The following BACE1 variants were observed in gnomAD, a reference collection of about 807,000 sequenced individuals.
BACE1 encodes the protein beta-secretase 1, also known as APP beta-secretase.
Under a neutral mutation model 54.0 loss-of-function variants are expected in BACE1, and 21 were observed. The observed-to-expected ratio is 0.39, with a 90% CI of 0.28 to 0.56. The LOEUF (loss-of-function observed/expected upper bound fraction) is 0.56, where lower values mean the gene tolerates loss of function less well. BACE1 is among the 20% of genes least tolerant of loss of function. BACE1 has a pLI of 0.63. For missense variants in BACE1, 511 were observed against 661.2 expected (o/e 0.77, Z 2.49); for synonymous variants, 232 against 260.9 (o/e 0.89, Z 1.07).
At chr11:117,290,288 A>G (rs1372696076) in intron 8 of BACE1, among the ~76,000 whole-genome samples, 200 bp downstream of exon 8, 2 of 152,150 alleles carry the variant, frequency 1.3e-5, no homozygotes, top group Admixed American at 6.5e-5. Context: ...GAGGTTACCA[A>G]TCCAGGCAGT....
intron 1 of BACE1, chr11:117,299,601 C>G (rs536002071): frequency 8.2e-6 from 3 of 364,048 alleles, no homozygotes; most frequent in South Asian, 2.0e-5. Flanking sequence ...CCCAGCCCCC[C>G]ACTCCTGGCC....
chr11:117,310,755 A>G (rs1022235850), intron 1 of BACE1, among the ~76,000 whole-genome samples: 1 of 152,196 alleles, frequency 6.6e-6, no homozygotes, highest in Admixed American at 6.5e-5. Flanking sequence ...ACAAACACAA[A>G]AACAGTTGTA....
rs149465460 is a variant in BACE1 at position 117,286,810 on chromosome 11, G to A, written c.*2756C>T. Reference sequence around the variant, plus strand: ...TGGCCTGAGTACTCAGCTCTTCAGAGGTCAGGTGACCCACTTTCTTTGGTT... The same window carrying A: ...TGGCCTGAGTACTCAGCTCTTCAGAAGTCAGGTGACCCACTTTCTTTGGTT... On this transcript the variant is annotated 3_prime_UTR_variant, in exon 9 of 9. Coordinates refer to ENST00000313005, the MANE Select transcript of BACE1 (RefSeq NM_012104.6). 1.3e-5 allele frequency: 2 copies of A among 152,696 alleles called. No individual in the cohort carries two copies. Among genetic ancestry groups the A allele is most frequent in the East Asian group, 1.9e-4 (1 of 5,178 alleles). 9.5% of individuals were successfully genotyped at this position (152,696 alleles called of 1,614,324 possible).
At position 117,315,905 on chromosome 11, in the gene BACE1, G is replaced by C; in HGVS notation, c.-110C>G. ...GTGGCTTCTCAGGAGAGGGAGCTTG[G>C]GGGCATCAGGACGCCAGGGCCTGCA... On this transcript the variant is annotated 5_prime_UTR_variant, in exon 1 of 9. Coordinates refer to ENST00000313005, the MANE Select transcript of BACE1 (RefSeq NM_012104.6). This position sits in a 1 kb window ranked among gnomAD's most constrained non-coding sequence, Gnocchi z 5.5. The C allele has an allele frequency of 7.9e-7, 1 of 1,270,690 alleles. No homozygotes were observed. Among genetic ancestry groups the C allele is most frequent in the South Asian group, 1.9e-5 (1 of 53,170 alleles). 78.7% of individuals were successfully genotyped at this position (1,270,690 alleles called of 1,614,324 possible). A position where few individuals can be genotyped will look rare whatever the true frequency, so the allele number is the denominator to read the frequency against.
chr11:117,307,748 C>G (rs555873958), intron 1 of BACE1, among the ~76,000 whole-genome samples: 1 of 152,128 alleles, frequency 6.6e-6, no homozygotes, highest in African/African-American at 2.4e-5. Context: ...CAGCTAAACT[C>G]TTCTTTACTG....
intron 1 of BACE1, among the ~76,000 whole-genome samples, chr11:117,301,115 C>T (rs977647698): frequency 1.1e-4 from 17 of 152,214 alleles, no homozygotes; most frequent in Admixed American, 6.5e-4. Context: ...TTCATCTTCT[C>T]AGGTCCTGTG....
Position 117,293,387 on chromosome 11 carries a change from C to T in BACE1, c.706-199G>A, listed in dbSNP as rs577862659. On this transcript the variant is annotated intron_variant, in intron 4 of 8. Transcript: ENST00000313005. The surrounding 1 kb of genome is among the most constrained non-coding windows in gnomAD (Gnocchi z 4.1). ...AATGTGTTCAGGAGAAAAGACTTTC[C>T]GGGATTTTTAATTATTTGTTTCAGA... 132 of 461,512 alleles carry T rather than the reference C, an allele frequency of 2.9e-4. No homozygotes were observed. The highest frequency in any genetic ancestry group is 1.2e-3 in the Middle Eastern group (2 of 1,688). The allele number at this position is 461,512 out of a possible 1,614,324, so 28.6% of individuals were successfully genotyped here.
In BACE1 at chr11:117,293,194, GA is replaced by G; in HGVS notation, c.706-7del. 4 of 1,610,914 alleles carry G rather than the reference GA, an allele frequency of 2.5e-6. No homozygotes were observed. Among genetic ancestry groups the G allele is most frequent in the Non-Finnish European group, 2.5e-6 (3 of 1,179,020 alleles). ...TGGTCGATACCTCCAATGATCTAGG[GA>G]AAAAAAGAGGCAGGTACCCGTGTCC... On this transcript the variant is annotated splice_polypyrimidine_tract_variant and splice_region_variant and intron_variant, in intron 4 of 8. Transcript: ENST00000313005. This position sits in a 1 kb window ranked among gnomAD's most constrained non-coding sequence, Gnocchi z 4.1.
At chr11:117,292,811 G>A in intron 5 of BACE1, 1 of 421,604 alleles carries the variant, frequency 2.4e-6, no homozygotes, top group Non-Finnish European at 4.3e-6. Context: ...AAGCAAGGCA[G>A]TGACTAGAGT....
rs1478793453 is a variant in BACE1 at position 117,293,057 on chromosome 11, C to T, written c.837G>A (p.Lys279=). ...INGQDLKMDC[K]EYNYDKSIVD... Reference sequence around the variant, plus strand: ...GGCTCTCCCTTGGTTTTCTTACCTCCTTGCAGTCCATTTTCAGATCCTGTC... The same window carrying T: ...GGCTCTCCCTTGGTTTTCTTACCTCTTTGCAGTCCATTTTCAGATCCTGTC... The change falls in exon 5 of 9, where the codon AAG becomes AAA. Residue 279 remains lysine (K), a synonymous_variant. Coordinates refer to ENST00000313005, the MANE Select transcript of BACE1 (RefSeq NM_012104.6). The surrounding 1 kb of genome is among the most constrained non-coding windows in gnomAD (Gnocchi z 4.1). The T allele has an allele frequency of 6.2e-7, 1 of 1,613,888 alleles. No individual in the cohort carries two copies. The highest frequency in any genetic ancestry group is 1.7e-5 in the Admixed American group (1 of 59,984).
At chr11:117,291,278 G>GTT (rs61070756) in intron 6 of BACE1, among the ~76,000 whole-genome samples, 10 of 141,558 alleles carry the variant, frequency 7.1e-5, no homozygotes, top group Non-Finnish European at 9.3e-5. Flanking sequence ...AAGGGGAAGA[G>GTT]TTTTTTTTTT....
chr11:117,291,077 G>A (rs892729934), intron 6 of BACE1, 28 bp from the exon 7 acceptor site: 2 of 1,611,360 alleles, frequency 1.2e-6, no homozygotes, highest in Non-Finnish European at 1.7e-6. Context: ...GGATAACAAT[G>A]AGGAAAAGCC....
At chr11:117,294,219 C>CTT (rs113659541) in intron 3 of BACE1, 140 of 277,792 alleles carry the variant, frequency 5.0e-4, no homozygotes, top group South Asian at 1.7e-3. Flanking sequence ...ATTCATAGAT[C>CTT]TTTTTTTTTT....
rs2034279215 is a variant in BACE1, at chr11:117,286,917, T to C, written c.*2649A>G. ...ATGGAAGACCAGTTCTATTGTTCTT[T>C]TTGTTTAGGGGATTCGTTTTTTATC... On this transcript the variant is annotated 3_prime_UTR_variant, in exon 9 of 9. Coordinates refer to ENST00000313005, the MANE Select transcript of BACE1 (RefSeq NM_012104.6). 6.6e-6 allele frequency: 1 copy of C among 152,648 alleles called. No homozygotes were observed. Among genetic ancestry groups the C allele is most frequent in the African/African-American group, 2.4e-5 (1 of 41,454 alleles). The allele number at this position is 152,648 out of a possible 1,614,324, so 9.5% of individuals were successfully genotyped here.
chr11:117,292,730 T>G, intron 5 of BACE1: 1 of 217,060 alleles, frequency 4.6e-6, no homozygotes, highest in Non-Finnish European at 9.0e-6. Context: ...CAGATCTGGG[T>G]CTTCCTGACT....
At position 117,310,464 on chromosome 11, in the gene BACE1, G is replaced by A. The variant is rs138837337; in HGVS notation, c.261+5071C>T. On this transcript the variant is annotated intron_variant, in intron 1 of 8. Transcript: ENST00000313005. ...TTTTGTTTGTTTGAGACAGAGTCTCGCTCTGGAGTGCAGTGGTGCAATCTC... is the reference window on the plus strand; with the variant it reads ...TTTTGTTTGTTTGAGACAGAGTCTCACTCTGGAGTGCAGTGGTGCAATCTC... 1.8e-3 allele frequency among the ~76,000 whole-genome samples: 271 copies of A among 152,036 alleles called. 1 individual carries two copies. Among genetic ancestry groups the A allele is most frequent in the Non-Finnish European group, 2.6e-3 (176 of 67,972 alleles).
At position 117,291,050 on chromosome 11, in the gene BACE1, CTG is replaced by C; in HGVS notation, c.943-3_943-2del. The C allele has an allele frequency of 1.9e-6, 3 of 1,614,000 alleles. No homozygotes were observed. The highest frequency in any genetic ancestry group is 1.1e-5 in the South Asian group (1 of 91,072). ...AGAAACCATCAGGGAACTTCTCCGT[CTG>C]TGTTGGCAAGAAGGGGATAACAATG... On this transcript the variant is annotated splice_acceptor_variant and splice_polypyrimidine_tract_variant and intron_variant, in intron 6 of 8. Transcript: ENST00000313005. LOFTEE classifies it high-confidence loss of function.
At position 117,313,520 on chromosome 11, in the gene BACE1, C is replaced by T. The variant is rs28917245; in HGVS notation, c.261+2015G>A. Among the ~76,000 whole-genome samples, 127 of 152,308 alleles carry T rather than the reference C, an allele frequency of 8.3e-4. 1 individual carries two copies. In the East Asian group the frequency reaches 0.022, roughly 27 times the overall value. On this transcript the variant is annotated intron_variant, in intron 1 of 8. Coordinates refer to ENST00000313005, the MANE Select transcript of BACE1 (RefSeq NM_012104.6). ...TGCGATCTTGTCTCACTGCAACCTC[C>T]GCCTCCCAGGTTCAAGCGATTCTCC...
chr11:117,293,233 A>G lies in BACE1; in HGVS notation c.706-45T>C, dbSNP rs536263316. ...GGTACCCGTGTCCTGGCACAGAAGG[A>G]GAGTGAGTCCCCCAAGGACCAAGCA... On this transcript the variant is annotated intron_variant, in intron 4 of 8. Coordinates refer to ENST00000313005, the MANE Select transcript of BACE1 (RefSeq NM_012104.6). This position sits in a 1 kb window ranked among gnomAD's most constrained non-coding sequence, Gnocchi z 4.1. 2 of 1,605,796 alleles carry G rather than the reference A, an allele frequency of 1.2e-6. No homozygotes were observed. Among genetic ancestry groups the G allele is most frequent in the East Asian group, 2.2e-5 (1 of 44,684 alleles).
Sources: gnomAD v4.1 joint callset for allele counts (sites outside exome capture counted in the v4.1 genomes callset) on GRCh38, gnomAD v4.1.1 for gene constraint, Gnocchi (gnomAD v3.1) non-coding constraint, MANE v1.5 for transcripts, NCBI Gene and HGNC (gene_info 2026-07-23, HGNC 2026-07-21) for gene names.